TRMT10C: variants seen among roughly 807,000 people sequenced by gnomAD.
The protein encoded by TRMT10C is tRNA methyltransferase 10C, mitochondrial RNase P subunit.
A neutral mutation model predicts 27.4 loss-of-function variants in TRMT10C; 14 were observed. The observed-to-expected ratio is 0.51, with a 90% CI of 0.34 to 0.80. The LOEUF is 0.80. TRMT10C is among the 30% of genes least tolerant of loss of function. The pLI, the probability that TRMT10C is intolerant of heterozygous loss-of-function variation, is 0.02. For synonymous variants in TRMT10C, 143 were observed against 155.9 expected (o/e 0.92, Z 0.62); for missense variants, 438 against 464.8 (o/e 0.94, Z 0.53).
At chr3:101,562,727 A>C (rs927903970) in intron 1 of TRMT10C, among the ~76,000 whole-genome samples, 1 of 151,758 alleles carries the variant, frequency 6.6e-6, no homozygotes, top group African/African-American at 2.4e-5. Flanking sequence ...CTAGGGTATT[A>C]GAAAAATATT....
chr3:101,566,161 T>C lies in TRMT10C; in HGVS notation c.*168T>C. ...TAGTCTTTCCCAACTGACTGTAGGG[T>C]TGTGTCTTTTCCCAATTAAATATCT... On this transcript the variant is annotated 3_prime_UTR_variant, in exon 2 of 2. Transcript: ENST00000309922. The C allele has an allele frequency of 1.4e-6, 1 of 714,316 alleles. No individual in the cohort carries two copies. Among genetic ancestry groups the C allele is most frequent in the Non-Finnish European group, 2.2e-6 (1 of 450,090 alleles). The allele number at this position is 714,316 out of a possible 1,614,324, so 44.2% of individuals were successfully genotyped here.
chr3:101,562,773 T>G (rs1299536917), intron 1 of TRMT10C, among the ~76,000 whole-genome samples: 3 of 151,974 alleles, frequency 2.0e-5, no homozygotes. Context: ...TGTCAAGCAT[T>G]GGATTCAATG....
intron 1 of TRMT10C, among the ~76,000 whole-genome samples, chr3:101,562,674 CTTTT>C (rs1200636623): frequency 1.3e-5 from 2 of 150,268 alleles, no homozygotes; most frequent in Non-Finnish European, 3.0e-5. Flanking sequence ...GGAGGCTGAA[CTTTT>C]TTTTTCTTTT....
At chr3:101,562,647 C>T (rs1934435693) in intron 1 of TRMT10C, among the ~76,000 whole-genome samples, 1 of 147,362 alleles carries the variant, frequency 6.8e-6, no homozygotes, top group Non-Finnish European at 1.5e-5. Context: ...GACTCCGTCT[C>T]AAAAAAAATA....
In TRMT10C at chr3:101,565,415, G is replaced by A. The variant is rs750020863; in HGVS notation, c.634G>A (p.Glu212Lys). The A allele has an allele frequency of 1.9e-6, 3 of 1,614,184 alleles. No individual in the cohort carries two copies. Among genetic ancestry groups the A allele is most frequent in the East Asian group, 2.2e-5 (1 of 44,886 alleles). Reference protein sequence around the residue: ...GQPLVFDMAYENYMKRKELQN... With the variant: ...GQPLVFDMAYKNYMKRKELQN... ...ACCTTTGGTTTTTGACATGGCTTACGAAAATTATATGAAACGAAAAGAATT... is the reference window on the plus strand; with the variant it reads ...ACCTTTGGTTTTTGACATGGCTTACAAAAATTATATGAAACGAAAAGAATT... Residue 212 changes from glutamate to lysine, a missense_variant, in exon 2 of 2, where the codon GAA (glutamate) becomes AAA (lysine). By Grantham distance (56) the Glu-to-Lys change is moderately conservative. Transcript: ENST00000309922.
chr3:101,563,622 A>G (rs1449694200), intron 1 of TRMT10C, among the ~76,000 whole-genome samples: 1 of 152,214 alleles, frequency 6.6e-6, no homozygotes. Flanking sequence ...GTCAGAGAGC[A>G]GGAAACCTAG....
intron 1 of TRMT10C, among the ~76,000 whole-genome samples, chr3:101,562,683 TC>T (rs1559948619): frequency 2.6e-5 from 4 of 151,618 alleles, no homozygotes; most frequent in African/African-American, 4.8e-5. Flanking sequence ...ACTTTTTTTT[TC>T]TTTTTTTTTT....
In TRMT10C at chr3:101,565,980, A is replaced by C. The variant is rs749411431; in HGVS notation, c.1199A>C (p.Lys400Thr). 1.9e-6 allele frequency: 3 copies of C among 1,596,292 alleles called. No individual in the cohort carries two copies. Among genetic ancestry groups the C allele is most frequent in the South Asian group, 1.1e-5 (1 of 89,146 alleles). The change falls in exon 2 of 2, where the codon AAG becomes ACG. Residue 400 changes from lysine to threonine, a missense_variant. Coordinates refer to ENST00000309922, the MANE Select transcript of TRMT10C (RefSeq NM_017819.4). The stretch of plus-strand genomic sequence containing the variant: ...CAAGAGTTTATCAACAGACTAAAGA[A>C]GGCAAAGACTTAATTCATTTTCAAA... ...HSQEFINRLK[K>T]AKT is the part of the protein sequence containing the mutation.
Position 101,566,394 on chromosome 3 carries a change from CTG to C in TRMT10C, c.*403_*404del, listed in dbSNP as rs201635490. ...TAGCTTTCCCCGTGCATCTCTTTGT[CTG>C]TATGTTTTGTAATATCTTTTACAGT... is the stretch of plus-strand genomic sequence containing the variant. On this transcript the variant is annotated 3_prime_UTR_variant, in exon 2 of 2. Coordinates refer to ENST00000309922, the MANE Select transcript of TRMT10C (RefSeq NM_017819.4). The C allele has an allele frequency of 6.7e-3, 1,080 of 161,328 alleles. 10 individuals are homozygous for C. The highest frequency in any genetic ancestry group is 0.024 in the African/African-American group (984 of 41,684). The allele number at this position is 161,328 out of a possible 1,614,324, so 10.0% of individuals were successfully genotyped here. A position where few individuals can be genotyped will look rare whatever the true frequency, so the allele number is the denominator to read the frequency against.
In TRMT10C at chr3:101,565,849, GA is replaced by G; in HGVS notation, c.1069del (p.Ile357TyrfsTer7). Reference protein sequence around the residue: ...GNKNLTLDQMIRILLCLKNNG... With the variant: ...GNKNLTLDQMXRILLCLKNNG... ...ACAAAAATCTCACCTTAGATCAAAT[GA>G]TACGTATTTTGTTATGTCTGAAAAA... is the stretch of plus-strand genomic sequence containing the variant. On this transcript the variant is annotated frameshift_variant, in exon 2 of 2. Coordinates refer to ENST00000309922, the MANE Select transcript of TRMT10C (RefSeq NM_017819.4). LOFTEE classifies it high-confidence loss of function. The G allele has an allele frequency of 1.2e-6, 2 of 1,614,120 alleles. No individual in the cohort carries two copies. The highest frequency in any genetic ancestry group is 1.7e-6 in the Non-Finnish European group (2 of 1,179,996).
chr3:101,563,645 G>T (rs1256158425), intron 1 of TRMT10C, among the ~76,000 whole-genome samples: 1 of 152,096 alleles, frequency 6.6e-6, no homozygotes, highest in Admixed American at 6.6e-5. Flanking sequence ...GCCTGTGCAG[G>T]GTCATTAAAT....
chr3:101,566,065 A>G lies in TRMT10C; in HGVS notation c.*72A>G, dbSNP rs556336227. ...AATGAGAACATTTGATGGCTTAAAA[A>G]GTAAATGCGTTAGAAATACAGTTCT... On this transcript the variant is annotated 3_prime_UTR_variant, in exon 2 of 2. Coordinates refer to ENST00000309922, the MANE Select transcript of TRMT10C (RefSeq NM_017819.4). 6.9e-7 allele frequency: 1 copy of G among 1,449,084 alleles called. No individual in the cohort carries two copies. The highest frequency in any genetic ancestry group is 2.3e-5 in the East Asian group (1 of 43,424). The allele number at this position is 1,449,084 out of a possible 1,614,324, so 89.8% of individuals were successfully genotyped here.
In TRMT10C at chr3:101,565,045, A is replaced by C; in HGVS notation, c.264A>C (p.Glu88Asp). 6.2e-7 allele frequency: 1 copy of C among 1,614,112 alleles called. No homozygotes were observed. The highest frequency in any genetic ancestry group is 1.6e-4 in the Middle Eastern group (1 of 6,062). ...CAACAATCTCAAGCAGTAAGGATGAAGATCCTCTAGCTGCCACCAGAGAGT... is the reference window on the plus strand; with the variant it reads ...CAACAATCTCAAGCAGTAAGGATGACGATCCTCTAGCTGCCACCAGAGAGT... ...CVSTISSSKD[E>D]DPLAATREFI... The change falls in exon 2 of 2, where the codon GAA becomes GAC. Residue 88 changes from glutamate (E) to aspartate (D), a missense_variant. By Grantham distance (45) the Glu-to-Asp change is conservative. Coordinates refer to ENST00000309922, the MANE Select transcript of TRMT10C (RefSeq NM_017819.4).
chr3:101,565,763 C>T lies in TRMT10C; in HGVS notation c.982C>T (p.Arg328Trp), dbSNP rs191057518. The change falls in exon 2 of 2, where the codon CGG becomes TGG. Residue 328 changes from arginine (R) to tryptophan (W), a missense_variant. Transcript: ENST00000309922. ...QPGTSLAKAK[R>W]LNLATECLPL... ...AGGCACATCCCTAGCCAAGGCAAAACGGCTGAACCTGGCAACTGAATGCCT... is the reference window on the plus strand; with the variant it reads ...AGGCACATCCCTAGCCAAGGCAAAATGGCTGAACCTGGCAACTGAATGCCT... The T allele has an allele frequency of 5.0e-5, 81 of 1,614,134 alleles. 1 individual carries two copies. The Admixed American group carries it at 6.8e-4, about 14-fold the overall frequency.
In TRMT10C at chr3:101,566,105, T is replaced by C. The variant is rs1053976679; in HGVS notation, c.*112T>C. On this transcript the variant is annotated 3_prime_UTR_variant, in exon 2 of 2. Transcript: ENST00000309922. The stretch of plus-strand genomic sequence containing the variant: ...AATACAGTTCTGTTAATGTATTTCT[T>C]CCCAAACAATTCATTTTTCTCTTCT... The C allele has an allele frequency of 1.3e-5, 16 of 1,208,276 alleles. No homozygotes were observed. The African/African-American group carries it at 2.5e-4, about 19-fold the overall frequency. 74.8% of individuals were successfully genotyped at this position (1,208,276 alleles called of 1,614,324 possible).
Position 101,565,407 on chromosome 3 carries a change from T to C in TRMT10C, c.626T>C (p.Met209Thr). Reference protein sequence around the residue: ...MQFGQPLVFDMAYENYMKRKE... With the variant: ...MQFGQPLVFDTAYENYMKRKE... ...TTTGGACAACCTTTGGTTTTTGACATGGCTTACGAAAATTATATGAAACGA... is the reference window on the plus strand; with the variant it reads ...TTTGGACAACCTTTGGTTTTTGACACGGCTTACGAAAATTATATGAAACGA... Residue 209 changes from methionine (M) to threonine (T), a missense_variant, in exon 2 of 2, where the codon ATG becomes ACG. This residue lies in a region of TRMT10C where 350 missense variants were observed against 370.5 expected (regional missense o/e 0.94). Coordinates refer to ENST00000309922, the MANE Select transcript of TRMT10C (RefSeq NM_017819.4). 1.2e-6 allele frequency: 2 copies of C among 1,614,192 alleles called. No individual in the cohort carries two copies. The highest frequency in any genetic ancestry group is 1.7e-6 in the Non-Finnish European group (2 of 1,180,028).
At chr3:101,564,745 T>C (rs1386602141) in intron 1 of TRMT10C, 25 bp from the exon 2 acceptor site, 5 of 1,493,410 alleles carry the variant, frequency 3.3e-6, no homozygotes, top group Non-Finnish European at 4.5e-6. Flanking sequence ...GTCTAATTTT[T>C]AATTGCATTT....
intron 1 of TRMT10C, 27 bp downstream of exon 1, chr3:101,562,030 T>C (rs1191252508): frequency 6.6e-6 from 1 of 152,142 alleles, no homozygotes; most frequent in Non-Finnish European, 1.5e-5. Flanking sequence ...TTTCGCCTAA[T>C]GTGTGTGTTG....
chr3:101,563,987 T>A (rs1934467285), intron 1 of TRMT10C, among the ~76,000 whole-genome samples: 1 of 152,220 alleles, frequency 6.6e-6, no homozygotes, highest in South Asian at 2.1e-4. Flanking sequence ...TTCTAAGTGC[T>A]TTTTACCTGT....
Sources: allele counts gnomAD v4.1 joint callset (sites outside exome capture counted in the v4.1 genomes callset), GRCh38; gene constraint gnomAD v4.1.1; regional missense constraint gnomAD v4.1.1; transcripts MANE v1.5; gene names NCBI Gene and HGNC (gene_info 2026-07-23, HGNC 2026-07-21).